Variants in BACH2 observed in about 807,000 individuals in gnomAD.
BACH2 encodes the protein transcription regulator protein BACH2.
BACH2 carries 5 observed loss-of-function variants against 61.8 expected under a neutral mutation model. The observed-to-expected ratio is 0.08, with a 90% CI of 0.04 to 0.17. The LOEUF (loss-of-function observed/expected upper bound fraction) is 0.17, where lower values mean the gene tolerates loss of function less well. Ranked by LOEUF, BACH2 falls within the 10% of genes least tolerant of loss-of-function variation. The pLI is 1.00. For missense variants in BACH2, 824 were observed against 1,091.1 expected (o/e 0.76, Z 3.45); for synonymous variants, 446 against 440.1 (o/e 1.01, Z -0.17).
At chr6:89,954,628 T>C (rs567494277) in intron 6 of BACH2, among the ~76,000 whole-genome samples, 4 of 151,584 alleles carry the variant, frequency 2.6e-5, no homozygotes, top group Non-Finnish European at 5.9e-5. Context: ...TGGGGATCTG[T>C]AGATCAGGAA....
rs188053854 is a variant in BACH2 at position 90,063,039 on chromosome 6, T to C, written c.-13+25922A>G. 1.3e-3 allele frequency: 674 copies of C among 517,348 alleles called. 5 individuals are homozygous for C. In the African/African-American group the frequency reaches 0.013, roughly 10 times the overall value. The allele number at this position is 517,348 out of a possible 1,614,324, so 32.0% of individuals were successfully genotyped here. ...TTTTTAGTGTACCTATTCTTTAAAA[T>C]CAGCTTGAGCTTTATGTAAAAGTCA... On this transcript the variant is annotated intron_variant, in intron 5 of 8. Transcript: ENST00000257749.
chr6:90,124,112 A>G (rs1427220086), intron 4 of BACH2, among the ~76,000 whole-genome samples: 1 of 152,166 alleles, frequency 6.6e-6, no homozygotes, highest in African/African-American at 2.4e-5. Flanking sequence ...CTCCCATGTG[A>G]TTCTAATGAT....
chr6:90,168,012 T>G (rs767353286), intron 4 of BACH2, among the ~76,000 whole-genome samples: 41 of 152,194 alleles, frequency 2.7e-4, no homozygotes, highest in Non-Finnish European at 5.0e-4. Context: ...AAGGAATCAC[T>G]GGCTATATAA....
At chr6:90,269,287 C>G (rs1427299985) in intron 2 of BACH2, among the ~76,000 whole-genome samples, 1 of 152,074 alleles carries the variant, frequency 6.6e-6, no homozygotes, top group African/African-American at 2.4e-5. Context: ...TTACATACTC[C>G]TAAGTCTTCT....
intron 6 of BACH2, chr6:89,952,223 T>C (rs887925423): frequency 4.8e-6 from 1 of 208,426 alleles, no homozygotes. Context: ...TTGAGAGCCA[T>C]TCTACACGAG....
intron 5 of BACH2, among the ~76,000 whole-genome samples, chr6:90,028,693 T>C (rs1351555758): frequency 2.0e-5 from 3 of 152,174 alleles, no homozygotes; most frequent in Non-Finnish European, 2.9e-5. Flanking sequence ...TCCTGGAGAA[T>C]AGTAAGCACC....
chr6:90,027,822 G>A (rs1308536852), intron 5 of BACH2, among the ~76,000 whole-genome samples: 1 of 152,074 alleles, frequency 6.6e-6, no homozygotes, highest in East Asian at 1.9e-4. Flanking sequence ...TATTTAGGAT[G>A]GTCCTTGTTT....
chr6:90,011,919 C>CA (rs1162835089), intron 5 of BACH2, among the ~76,000 whole-genome samples: 205 of 121,010 alleles, frequency 1.7e-3, no homozygotes, highest in African/African-American at 4.6e-3. Context: ...GACTCTGTCT[C>CA]AAAAAAAAAA....
intron 4 of BACH2, among the ~76,000 whole-genome samples, chr6:90,119,029 A>G (rs1358983173): frequency 1.3e-5 from 2 of 152,202 alleles, no homozygotes; most frequent in African/African-American, 2.4e-5. Flanking sequence ...TATCTATCAA[A>G]TGTTCAGAAT....
intron 4 of BACH2, among the ~76,000 whole-genome samples, chr6:90,161,820 T>C (rs1785201608): frequency 2.6e-5 from 4 of 152,296 alleles, no homozygotes; most frequent in South Asian, 4.2e-4. Flanking sequence ...TGGATGGCTC[T>C]GGAACCATTA....
intron 3 of BACH2, among the ~76,000 whole-genome samples, chr6:90,242,051 T>C (rs189291607): frequency 6.6e-6 from 1 of 152,326 alleles, no homozygotes; most frequent in Non-Finnish European, 1.5e-5. Context: ...TGCACAAGTA[T>C]GGTACATCTG....
chr6:90,253,885 T>G (rs1351403434), intron 2 of BACH2, among the ~76,000 whole-genome samples: 1 of 143,200 alleles, frequency 7.0e-6, no homozygotes, highest in African/African-American at 2.5e-5. Flanking sequence ...GAAAACATCA[T>G]TGCCGAACTA....
At chr6:90,253,679 G>A (rs1770884751) in intron 2 of BACH2, among the ~76,000 whole-genome samples, 1 of 152,126 alleles carries the variant, frequency 6.6e-6, no homozygotes, top group Admixed American at 6.5e-5. Context: ...GAATGAAAGG[G>A]TAACTCAAGA....
chr6:90,056,414 A>G (rs1334337486), intron 5 of BACH2, among the ~76,000 whole-genome samples: 2 of 152,330 alleles, frequency 1.3e-5, no homozygotes, highest in African/African-American at 4.8e-5. Context: ...TTCAACAAGA[A>G]GAGCTAACTA....
chr6:90,259,998 A>C (rs73507247), intron 2 of BACH2, among the ~76,000 whole-genome samples: 1,684 of 151,840 alleles, frequency 0.011, 42 homozygotes, highest in African/African-American at 0.039. Context: ...TTAAAAAAAA[A>C]CCCAACTCTT....
At chr6:89,949,901 G>A (rs1212971351) in intron 7 of BACH2, among the ~76,000 whole-genome samples, 2 of 152,168 alleles carry the variant, frequency 1.3e-5, no homozygotes, top group African/African-American at 4.8e-5. Flanking sequence ...GGGCAAGGAT[G>A]AGGGTGATGA....
chr6:89,978,207 C>T (rs1775759503), intron 6 of BACH2, among the ~76,000 whole-genome samples: 1 of 152,170 alleles, frequency 6.6e-6, no homozygotes, highest in Admixed American at 6.5e-5. Flanking sequence ...ATTAATCAAA[C>T]TGACAGAACT....
intron 6 of BACH2, among the ~76,000 whole-genome samples, chr6:89,985,517 C>G (rs1776193618): frequency 6.6e-6 from 1 of 152,126 alleles, no homozygotes; most frequent in Admixed American, 6.5e-5. Context: ...CCATCCGGCA[C>G]TCCTGGGTCA....
chr6:89,997,342 T>A (rs1776906681), intron 6 of BACH2, among the ~76,000 whole-genome samples: 1 of 152,242 alleles, frequency 6.6e-6, no homozygotes, highest in African/African-American at 2.4e-5. Context: ...GTGCTTCAAT[T>A]ATCTTCCCTT....
Sources: allele counts gnomAD v4.1 joint callset (sites outside exome capture counted in the v4.1 genomes callset), GRCh38; gene constraint gnomAD v4.1.1; transcripts MANE v1.5; gene names NCBI Gene and HGNC (gene_info 2026-07-23, HGNC 2026-07-21).